The following CPLX4 variants were observed in gnomAD, a reference collection of about 807,000 sequenced individuals.
CPLX4 encodes complexin-4.
Under a neutral mutation model 16.1 loss-of-function variants are expected in CPLX4, and 17 were observed. The observed-to-expected ratio is 1.06, with a 90% CI of 0.72 to 1.59. The LOEUF (loss-of-function observed/expected upper bound fraction) is 1.59, where lower values mean the gene tolerates loss of function less well. Ranked by LOEUF, CPLX4 falls within the 40% of genes most tolerant of loss-of-function variation. The probability of loss-of-function intolerance (pLI) is 0.00; values close to 1 mark genes in which losing one functional copy is unlikely to be tolerated. For synonymous variants in CPLX4, 55 were observed against 57.8 expected (o/e 0.95, Z 0.22); for missense variants, 193 against 192.9 (o/e 1.00, Z 0.00).
intron 2 of CPLX4, among the ~76,000 whole-genome samples, chr18:59,306,686 A>T (rs1568105681): frequency 6.6e-6 from 1 of 152,236 alleles, no homozygotes; most frequent in East Asian, 1.9e-4. Context: ...TTCTAATTCC[A>T]AAATGTGACA....
chr18:59,317,484 G>A (rs1029341189), intron 1 of CPLX4, among the ~76,000 whole-genome samples: 4 of 151,994 alleles, frequency 2.6e-5, no homozygotes, highest in Non-Finnish European at 5.9e-5. Flanking sequence ...CCAATTAAAT[G>A]TTGCTTATAT....
Position 59,296,844 on chromosome 18 carries a change from C to G in CPLX4, c.337G>C (p.Asp113His). The G allele has an allele frequency of 3.1e-6, 5 of 1,613,806 alleles. No homozygotes were observed. Among genetic ancestry groups the G allele is most frequent in the African/African-American group, 1.3e-5 (1 of 75,004 alleles). ...PEDLRKMVDE[D>H]QEEEEDKDSI... ...TCTTTATCTTCTTCCTCTTCTTGAT[C>G]TTCATCTACCATTTTCCGGAGATCT... Residue 113 changes from aspartate (D) to histidine (H), a missense_variant, in exon 3 of 3, where the codon GAT (aspartate) becomes CAT (histidine). Physicochemically the swap from Asp to His is moderately conservative, Grantham distance 81. Transcript: ENST00000299721.
At position 59,318,326 on chromosome 18, in the gene CPLX4, T is replaced by C. The variant is rs550794650; in HGVS notation, c.137A>G (p.Glu46Gly). 6.2e-7 allele frequency: 1 copy of C among 1,613,248 alleles called. No individual in the cohort carries two copies. Among genetic ancestry groups the C allele is most frequent in the Non-Finnish European group, 8.5e-7 (1 of 1,179,660 alleles). Residue 46 changes from glutamate to glycine, a missense_variant, in exon 1 of 3, where the codon GAG (glutamate) becomes GGG (glycine). Physicochemically the swap from Glu to Gly is moderately conservative, Grantham distance 98. Transcript: ENST00000299721. ...CTCAATCATTTGCTTTTGATACTCC[T>C]CATACTCCTCTCTAGTCATCCCTTG... ...AAQGMTREEY[E>G]EYQKQMIEEK...
intron 2 of CPLX4, among the ~76,000 whole-genome samples, chr18:59,311,188 G>A (rs2070614731): frequency 6.6e-6 from 1 of 152,174 alleles, no homozygotes; most frequent in Non-Finnish European, 1.5e-5. Context: ...AAAGGACAGT[G>A]TTTAGAAGTG....
chr18:59,317,334 G>T (rs2070657827), intron 1 of CPLX4, among the ~76,000 whole-genome samples: 1 of 152,030 alleles, frequency 6.6e-6, no homozygotes, highest in African/African-American at 2.4e-5. Flanking sequence ...CCTCTAGATT[G>T]ATGTTTCATT....
At position 59,316,896 on chromosome 18, in the gene CPLX4, T is replaced by G. The variant is rs184390385; in HGVS notation, c.167+1400A>C. ...TGATCTGAGAATGTTTGATGCTGAT[T>G]TTTGTCTTCTATCCTTCATTACACA... is the stretch of plus-strand genomic sequence containing the variant. On this transcript the variant is annotated intron_variant, in intron 1 of 2. Transcript: ENST00000299721. 7.7e-3 allele frequency among the ~76,000 whole-genome samples: 1,167 copies of G among 152,308 alleles called. 24 individuals carry two copies. The highest frequency in any genetic ancestry group is 0.027 in the African/African-American group (1,114 of 41,586).
At chr18:59,310,260 A>G (rs1375527511) in intron 2 of CPLX4, among the ~76,000 whole-genome samples, 1 of 152,150 alleles carries the variant, frequency 6.6e-6, no homozygotes, top group Non-Finnish European at 1.5e-5. Context: ...GCAGTAGCCT[A>G]TGCAGGTATA....
chr18:59,309,639 C>T (rs1026855458), intron 2 of CPLX4, among the ~76,000 whole-genome samples: 1 of 151,750 alleles, frequency 6.6e-6, no homozygotes, highest in Non-Finnish European at 1.5e-5. Flanking sequence ...CTGGTTAACA[C>T]GGTGAAACCC....
At chr18:59,314,224 C>A (rs1018863013) in intron 1 of CPLX4, among the ~76,000 whole-genome samples, 1 of 152,088 alleles carries the variant, frequency 6.6e-6, no homozygotes, top group Non-Finnish European at 1.5e-5. Context: ...TAGCGACCTG[C>A]GGCATGGACA....
chr18:59,310,457 A>C (rs1406253305), intron 2 of CPLX4, among the ~76,000 whole-genome samples: 1 of 152,220 alleles, frequency 6.6e-6, no homozygotes, highest in African/African-American at 2.4e-5. Flanking sequence ...TCACCCCTGA[A>C]GATCTGGAAG....
At chr18:59,311,874 C>A (rs374654162) in intron 2 of CPLX4, among the ~76,000 whole-genome samples, 1 of 152,190 alleles carries the variant, frequency 6.6e-6, no homozygotes, top group Non-Finnish European at 1.5e-5. Flanking sequence ...TCGACCACAG[C>A]CTACAGCAGT....
intron 1 of CPLX4, among the ~76,000 whole-genome samples, chr18:59,313,347 T>C (rs2070630761): frequency 6.6e-6 from 1 of 152,198 alleles, no homozygotes; most frequent in Non-Finnish European, 1.5e-5. Flanking sequence ...CGGTATTTTC[T>C]TCCCAGTTTG....
chr18:59,301,221 G>T (rs1395508190), intron 2 of CPLX4, among the ~76,000 whole-genome samples: 1 of 152,338 alleles, frequency 6.6e-6, no homozygotes, highest in East Asian at 1.9e-4. Context: ...AGCAGCTTGA[G>T]CATAGTCTAC....
chr18:59,308,875 C>G (rs114907374), intron 2 of CPLX4, among the ~76,000 whole-genome samples: 6,069 of 152,228 alleles, frequency 0.04, 402 homozygotes, highest in African/African-American at 0.14. Context: ...AGTGCGGGGA[C>G]GCGGGCGGGA....
In CPLX4 at chr18:59,296,521, G is replaced by A. The variant is rs2070501507; in HGVS notation, c.*177C>T. 1.3e-5 allele frequency: 9 copies of A among 672,350 alleles called. No individual in the cohort carries two copies. In the South Asian group the frequency reaches 1.5e-4, roughly 11 times the overall value. 41.6% of individuals were successfully genotyped at this position (672,350 alleles called of 1,614,324 possible). A position where few individuals can be genotyped will look rare whatever the true frequency, so the allele number is the denominator to read the frequency against. The stretch of plus-strand genomic sequence containing the variant: ...GAAAGTAAGGTTCCCGCTGCAAGGT[G>A]TTAGCTAAATGCTCTGCCAGGAATA... On this transcript the variant is annotated 3_prime_UTR_variant, in exon 3 of 3. Coordinates refer to ENST00000299721, the MANE Select transcript of CPLX4 (RefSeq NM_181654.4).
At chr18:59,312,967 G>A (rs115149060) in intron 1 of CPLX4, among the ~76,000 whole-genome samples, 195 bp from the exon 2 acceptor site, 204 of 152,172 alleles carry the variant, frequency 1.3e-3, no homozygotes, top group African/African-American at 4.7e-3. Flanking sequence ...ATAACTTTCA[G>A]TATATACCTC....
chr18:59,297,675 A>T (rs2070511156), intron 2 of CPLX4, among the ~76,000 whole-genome samples: 1 of 152,186 alleles, frequency 6.6e-6, no homozygotes, highest in Non-Finnish European at 1.5e-5. Flanking sequence ...GCAGCTTTGC[A>T]AGTCTTGCAG....
intron 1 of CPLX4, among the ~76,000 whole-genome samples, chr18:59,313,588 ACATGGC>A (rs2070632542): frequency 6.6e-6 from 1 of 152,216 alleles, no homozygotes; most frequent in South Asian, 2.1e-4. Context: ...GAATTTATAT[ACATGGC>A]CCTGCCCTCT....
chr18:59,304,700 T>A (rs559235535), intron 2 of CPLX4, among the ~76,000 whole-genome samples: 1 of 152,156 alleles, frequency 6.6e-6, no homozygotes, highest in Admixed American at 6.5e-5. Context: ...GCCTCCCGAG[T>A]AGCTGGGATT....
Sources: allele counts gnomAD v4.1 joint callset (sites outside exome capture counted in the v4.1 genomes callset), GRCh38; gene constraint gnomAD v4.1.1; transcripts MANE v1.5; gene names NCBI Gene and HGNC (gene_info 2026-07-23, HGNC 2026-07-21).